RABGAP1L: variants seen among roughly 807,000 people sequenced by gnomAD.
RABGAP1L encodes the protein RAB GTPase activating protein 1 like.
In RABGAP1L, 63 loss-of-function variants were observed where a neutral mutation model predicts 137.7. The observed-to-expected ratio is 0.46, with a 90% CI of 0.37 to 0.56. The LOEUF (loss-of-function observed/expected upper bound fraction) is 0.56, where lower values mean the gene tolerates loss of function less well. RABGAP1L is among the 20% of genes least tolerant of loss of function. The probability of loss-of-function intolerance (pLI) is 0.00; values close to 1 mark genes in which losing one functional copy is unlikely to be tolerated. For synonymous variants in RABGAP1L, 431 were observed against 433.7 expected, an observed-to-expected ratio of 0.99 and a Z score of 0.08; for missense variants, 1,095 against 1,244.0, an observed-to-expected ratio of 0.88 and a Z score of 1.80.
chr1:174,749,956 G>A (rs535567036), intron 17 of RABGAP1L, among the ~76,000 whole-genome samples: 5 of 151,956 alleles, frequency 3.3e-5, no homozygotes, highest in South Asian at 2.1e-4. Flanking sequence ...TGCAAGCTCC[G>A]CCTCCTGGGT....
chr1:174,623,098 A>G (rs1329682672), intron 13 of RABGAP1L, among the ~76,000 whole-genome samples: 1 of 152,196 alleles, frequency 6.6e-6, no homozygotes. Flanking sequence ...CAGTGGTTCT[A>G]ATATATTTAG....
chr1:174,967,026 A>G (rs768387031), intron 20 of RABGAP1L, among the ~76,000 whole-genome samples: 1 of 152,212 alleles, frequency 6.6e-6, no homozygotes, highest in Non-Finnish European at 1.5e-5. Flanking sequence ...CAAGGACAAC[A>G]ATAAAGAAAA....
chr1:174,198,629 G>A (rs553969297), intron 1 of RABGAP1L, among the ~76,000 whole-genome samples: 2 of 152,322 alleles, frequency 1.3e-5, no homozygotes, highest in East Asian at 3.9e-4. Context: ...GCAACAGGGT[G>A]CATTGGAAAT....
intron 10 of RABGAP1L, among the ~76,000 whole-genome samples, chr1:174,285,849 T>C (rs1676011798): frequency 6.6e-6 from 1 of 152,196 alleles, no homozygotes; most frequent in Non-Finnish European, 1.5e-5. Flanking sequence ...GAAGATCATA[T>C]GATTTTTATG....
intron 13 of RABGAP1L, among the ~76,000 whole-genome samples, chr1:174,598,690 G>C (rs1201222066): frequency 6.6e-6 from 1 of 151,820 alleles, no homozygotes; most frequent in African/African-American, 2.4e-5. Context: ...TTTTAATATT[G>C]AATTCTATTT....
At chr1:174,943,855 C>G (rs1162483843) in intron 19 of RABGAP1L, among the ~76,000 whole-genome samples, 2 of 152,076 alleles carry the variant, frequency 1.3e-5, no homozygotes, top group African/African-American at 4.8e-5. Flanking sequence ...TTTCTCCCCA[C>G]CAGACTGTAA....
intron 19 of RABGAP1L, among the ~76,000 whole-genome samples, chr1:174,953,975 TC>T (rs1043411864): frequency 1.2e-4 from 18 of 152,286 alleles, no homozygotes; most frequent in African/African-American, 4.3e-4. Flanking sequence ...CCTTTGATCA[TC>T]CGTGGGGACG....
At chr1:174,196,447 A>G (rs75581050) in intron 1 of RABGAP1L, among the ~76,000 whole-genome samples, 2 of 151,712 alleles carry the variant, frequency 1.3e-5, no homozygotes, top group African/African-American at 4.8e-5. Flanking sequence ...GATAGTCTCG[A>G]TCTCCTGACC....
chr1:174,901,918 A>G (rs1478384715), intron 19 of RABGAP1L, among the ~76,000 whole-genome samples: 1 of 152,126 alleles, frequency 6.6e-6, no homozygotes, highest in East Asian at 1.9e-4. Flanking sequence ...TTTAACAATC[A>G]GGCCACTCTA....
intron 5 of RABGAP1L, among the ~76,000 whole-genome samples, chr1:174,243,552 A>G (rs961026095): frequency 2.6e-5 from 4 of 152,210 alleles, no homozygotes; most frequent in African/African-American, 9.6e-5. Flanking sequence ...CAGGTAATGA[A>G]TGACACATCA....
intron 13 of RABGAP1L, among the ~76,000 whole-genome samples, chr1:174,499,518 A>G (rs554883156): frequency 6.6e-6 from 1 of 152,312 alleles, no homozygotes; most frequent in East Asian, 1.9e-4. Context: ...ACCTAGAAAC[A>G]TGGATTCTTA....
chr1:174,365,973 G>GGT (rs1684578403), intron 11 of RABGAP1L, among the ~76,000 whole-genome samples: 1 of 151,962 alleles, frequency 6.6e-6, no homozygotes, highest in African/African-American at 2.4e-5. Flanking sequence ...TCAGAGTGAA[G>GGT]GTAAACAACA....
In RABGAP1L at chr1:174,946,918, ATATATAT is replaced by A. The variant is rs371928864; in HGVS notation, c.2341-10538_2341-10532del. On this transcript the variant is annotated intron_variant, in intron 19 of 25. Coordinates refer to ENST00000681986, the MANE Select transcript of RABGAP1L (RefSeq NM_001366446.1). ...TCCATCTCAAAAAAAAAAAAAAAAAATATATATATATATATATATATATGTGTGTGTG... is the reference window on the plus strand; with the variant it reads ...TCCATCTCAAAAAAAAAAAAAAAAAAATATATATATATATATGTGTGTGTG... 4.2e-3 allele frequency among the ~76,000 whole-genome samples: 183 copies of A among 43,344 alleles called. 14 individuals carry two copies. Among genetic ancestry groups the A allele is most frequent in the African/African-American group, 0.015 (169 of 11,598 alleles). The allele number at this position is 43,344 out of a possible 152,430, so 28.4% of individuals were successfully genotyped here.
chr1:174,532,591 T>C (rs1479518397), intron 13 of RABGAP1L, among the ~76,000 whole-genome samples: 1 of 152,100 alleles, frequency 6.6e-6, no homozygotes, highest in Non-Finnish European at 1.5e-5. Context: ...GGGGGACTGT[T>C]TTGAGTACAT....
chr1:174,802,489 C>T (rs2148826628), intron 18 of RABGAP1L, among the ~76,000 whole-genome samples: 1 of 152,308 alleles, frequency 6.6e-6, no homozygotes, highest in South Asian at 2.1e-4. Flanking sequence ...TGCCTTTAAT[C>T]CCAGTTATTT....
At chr1:174,907,464 C>T (rs1659283950) in intron 19 of RABGAP1L, among the ~76,000 whole-genome samples, 1 of 151,974 alleles carries the variant, frequency 6.6e-6, no homozygotes, top group Admixed American at 6.6e-5. Flanking sequence ...AGGTGTGTGC[C>T]ACCACACCTG....
chr1:174,467,049 C>T (rs1015377721), intron 13 of RABGAP1L, among the ~76,000 whole-genome samples: 1 of 152,038 alleles, frequency 6.6e-6, no homozygotes, highest in Non-Finnish European at 1.5e-5. Context: ...TGTTCCTGGC[C>T]CACAGAAATT....
At chr1:174,910,935 A>G (rs1282304708) in intron 19 of RABGAP1L, among the ~76,000 whole-genome samples, 2 of 152,134 alleles carry the variant, frequency 1.3e-5, no homozygotes, top group Non-Finnish European at 2.9e-5. Context: ...GAAGGTTCTA[A>G]TTTCTCCACT....
intron 13 of RABGAP1L, among the ~76,000 whole-genome samples, chr1:174,624,677 C>T (rs943891338): frequency 6.6e-6 from 1 of 152,194 alleles, no homozygotes; most frequent in African/African-American, 2.4e-5. Context: ...ACACTGGAAA[C>T]ATAAAGGTCA....
Sources: gnomAD v4.1 joint callset for allele counts (sites outside exome capture counted in the v4.1 genomes callset) on GRCh38, gnomAD v4.1.1 for gene constraint, MANE v1.5 for transcripts, NCBI Gene and HGNC (gene_info 2026-07-23, HGNC 2026-07-21) for gene names.